The following NEGR1 variants were observed in gnomAD, a reference collection of about 807,000 sequenced individuals.
NEGR1 encodes the protein IgLON family member 4.
In NEGR1, 10 loss-of-function variants were observed where a neutral mutation model predicts 40.9. That is an observed-to-expected ratio of 0.24 (90% confidence interval 0.15 to 0.42). NEGR1 has a LOEUF of 0.42. Ranked by LOEUF, NEGR1 falls within the 10% of genes least tolerant of loss-of-function variation. The pLI, the probability that NEGR1 is intolerant of heterozygous loss-of-function variation, is 1.00. For synonymous variants in NEGR1, 185 were observed against 166.8 expected (o/e 1.11, Z -0.84); for missense variants, 352 against 438.9 (o/e 0.80, Z 1.77).
At position 71,898,881 on chromosome 1, in the gene NEGR1, A is replaced by AAT. The variant is rs541679065; in HGVS notation, c.409+36196_409+36197dup. 2.3e-4 allele frequency among the ~76,000 whole-genome samples: 17 copies of AAT among 74,770 alleles called. 1 individual carries two copies. In the South Asian group the frequency reaches 3.0e-3, roughly 13 times the overall value. The allele number at this position is 74,770 out of a possible 152,430, so 49.1% of individuals were successfully genotyped here. The stretch of plus-strand genomic sequence containing the variant: ...ATATATTGCAAATATATATATTGCA[A>AAT]ATATATATATATTGCAAATATATAT... On this transcript the variant is annotated intron_variant, in intron 2 of 6. Transcript: ENST00000357731.
intron 1 of NEGR1, among the ~76,000 whole-genome samples, chr1:72,033,125 C>A (rs1168159132): frequency 6.6e-5 from 10 of 152,056 alleles, no homozygotes; most frequent in Admixed American, 1.3e-4. Context: ...AGCAAGAACA[C>A]TTCTAAAAGC....
chr1:71,933,744 T>A (rs1645876745), intron 2 of NEGR1, among the ~76,000 whole-genome samples: 1 of 152,036 alleles, frequency 6.6e-6, no homozygotes, highest in Non-Finnish European at 1.5e-5. Context: ...CATCACAGCC[T>A]ACAATAATCT....
chr1:71,442,905 A>T (rs1646557309), intron 6 of NEGR1, among the ~76,000 whole-genome samples: 1 of 152,144 alleles, frequency 6.6e-6, no homozygotes. Context: ...ATTTTCAGGG[A>T]TATCCTGTGC....
intron 3 of NEGR1, among the ~76,000 whole-genome samples, chr1:71,750,491 C>T (rs546027316): frequency 1.3e-5 from 2 of 152,304 alleles, no homozygotes; most frequent in Admixed American, 6.5e-5. Context: ...CACTGTTCCA[C>T]ATGGCTGGGG....
At position 71,546,032 on chromosome 1, in the gene NEGR1, G is replaced by T. The variant is rs548036899; in HGVS notation, c.940+46785C>A. ...GAAATAAATCTGTGTCTGATAAACA[G>T]ACAGGAGTTAAACCACCAGAAGGAA... On this transcript the variant is annotated intron_variant, in intron 6 of 6. Coordinates refer to ENST00000357731, the MANE Select transcript of NEGR1 (RefSeq NM_173808.3). Among the ~76,000 whole-genome samples the T allele has an allele frequency of 3.3e-5, 5 of 151,788 alleles. No homozygotes were observed. In the East Asian group the frequency reaches 9.8e-4, roughly 30 times the overall value.
chr1:72,255,431 G>C (rs1655234174), intron 1 of NEGR1, among the ~76,000 whole-genome samples: 9 of 152,072 alleles, frequency 5.9e-5, no homozygotes. Flanking sequence ...TATTCAGAAT[G>C]CAAGAAAGCA....
At chr1:71,720,507 C>T (rs938801976) in intron 3 of NEGR1, among the ~76,000 whole-genome samples, 4 of 151,940 alleles carry the variant, frequency 2.6e-5, no homozygotes, top group Non-Finnish European at 5.9e-5. Context: ...GCATTTTTTT[C>T]CCTAGAAACT....
In NEGR1 at chr1:71,739,134, C is replaced by G. The variant is rs538080451; in HGVS notation, c.535+37038G>C. On this transcript the variant is annotated intron_variant, in intron 3 of 6. Transcript: ENST00000357731. ...GAGTCAGTGGACTGGGAAAGGCAGA[C>G]CCATCCTTAATCTGGGTGGATACCA... Among the ~76,000 whole-genome samples the G allele has an allele frequency of 3.1e-4, 47 of 150,466 alleles. 1 individual carries two copies. Among genetic ancestry groups the G allele is most frequent in the Non-Finnish European group, 5.3e-4 (36 of 67,836 alleles).
chr1:71,597,957 G>A (rs1418221359), intron 5 of NEGR1, among the ~76,000 whole-genome samples: 1 of 152,094 alleles, frequency 6.6e-6, no homozygotes, highest in Non-Finnish European at 1.5e-5. Context: ...AATGTTTCGT[G>A]TTACGAGTGT....
intron 2 of NEGR1, among the ~76,000 whole-genome samples, chr1:71,851,001 A>T (rs1263483530): frequency 2.0e-5 from 3 of 152,172 alleles, no homozygotes; most frequent in African/African-American, 7.2e-5. Flanking sequence ...TATCAAAATC[A>T]TCCACCTCTG....
chr1:71,720,323 T>G (rs1654463303), intron 3 of NEGR1, among the ~76,000 whole-genome samples: 1 of 152,100 alleles, frequency 6.6e-6, no homozygotes. Context: ...AAAAGGAAAC[T>G]CCTTTGAAGC....
chr1:71,676,482 A>G (rs911286994), intron 4 of NEGR1, among the ~76,000 whole-genome samples: 3 of 152,188 alleles, frequency 2.0e-5, no homozygotes, highest in Non-Finnish European at 4.4e-5. Context: ...TTGCTGTAAG[A>G]CAAGGAAACA....
intron 1 of NEGR1, among the ~76,000 whole-genome samples, chr1:72,116,878 TG>T (rs1649601253): frequency 1.3e-5 from 2 of 151,804 alleles, no homozygotes; most frequent in African/African-American, 4.8e-5. Flanking sequence ...GGTTTTTCAC[TG>T]ATTTTGATAA....
chr1:71,732,101 G>T (rs1162248109), intron 3 of NEGR1, among the ~76,000 whole-genome samples: 1 of 152,004 alleles, frequency 6.6e-6, no homozygotes, highest in Non-Finnish European at 1.5e-5. Flanking sequence ...TGGATCTCTT[G>T]AGTCGAGACC....
At chr1:71,634,009 T>C (rs747722823) in intron 4 of NEGR1, among the ~76,000 whole-genome samples, 1 of 151,994 alleles carries the variant, frequency 6.6e-6, no homozygotes, top group Non-Finnish European at 1.5e-5. Flanking sequence ...CATTCATAGA[T>C]ATAGGTTTTG....
chr1:72,232,289 G>A (rs1348127489), intron 1 of NEGR1, among the ~76,000 whole-genome samples: 6 of 151,774 alleles, frequency 4.0e-5, no homozygotes, highest in East Asian at 3.9e-4. Context: ...CCCGGGAGGC[G>A]GAGGTTGCAG....
At chr1:71,994,921 G>T (rs913298044) in intron 1 of NEGR1, among the ~76,000 whole-genome samples, 1 of 146,212 alleles carries the variant, frequency 6.8e-6, no homozygotes, top group Non-Finnish European at 1.5e-5. Flanking sequence ...CAAACTTCCT[G>T]CCAGGCATCA....
At chr1:71,999,629 G>T (rs1198232984) in intron 1 of NEGR1, among the ~76,000 whole-genome samples, 1 of 45,076 alleles carries the variant, frequency 2.2e-5, no homozygotes, top group Non-Finnish European at 4.7e-5. Flanking sequence ...CTTGAGCAAA[G>T]CAAATATATA....
chr1:72,013,580 T>A (rs907874180), intron 1 of NEGR1, among the ~76,000 whole-genome samples: 2 of 152,104 alleles, frequency 1.3e-5, no homozygotes, highest in Non-Finnish European at 2.9e-5. Flanking sequence ...TAAATAAGCA[T>A]AAGCACTATA....
Sources: allele counts gnomAD v4.1 joint callset (sites outside exome capture counted in the v4.1 genomes callset), GRCh38; gene constraint gnomAD v4.1.1; transcripts MANE v1.5; gene names NCBI Gene and HGNC (gene_info 2026-07-23, HGNC 2026-07-21).